The following DGCR2 variants were observed in gnomAD, a reference collection of about 807,000 sequenced individuals.
DGCR2 encodes the protein DiGeorge syndrome critical region gene 2.
A neutral mutation model predicts 51.6 loss-of-function variants in DGCR2; 24 were observed. The observed-to-expected ratio is 0.47, with a 90% CI of 0.34 to 0.65. The LOEUF (loss-of-function observed/expected upper bound fraction) is 0.65, where lower values mean the gene tolerates loss of function less well. Among genes scored for constraint, DGCR2 ranks in the 30% least tolerant of loss-of-function variants. The pLI is 0.01. For missense variants in DGCR2, 765 were observed against 772.1 expected (o/e 0.99, Z 0.11); for synonymous variants, 340 against 315.4 (o/e 1.08, Z -0.82).
At chr22:19,049,899 A>G (rs1601512813) in intron 6 of DGCR2, among the ~76,000 whole-genome samples, 3 of 152,206 alleles carry the variant, frequency 2.0e-5, no homozygotes, top group Admixed American at 2.0e-4. Context: ...AGGGCAAGAT[A>G]CTCACATACA....
intron 7 of DGCR2, chr22:19,046,845 C>A: frequency 3.1e-6 from 1 of 318,164 alleles, no homozygotes; most frequent in Non-Finnish European, 6.7e-6. Context: ...TGGGGCTGGG[C>A]AGGCTCTTTA....
chr22:19,066,490 G>A (rs1179546555), intron 3 of DGCR2, among the ~76,000 whole-genome samples: 1 of 152,214 alleles, frequency 6.6e-6, no homozygotes, highest in Non-Finnish European at 1.5e-5. Flanking sequence ...GAGAAGGTGT[G>A]TTGCACATTC....
rs374273751 is a variant in DGCR2, at chr22:19,041,107, C to T, written c.1347G>A (p.Pro449=). The T allele has an allele frequency of 5.1e-5, 83 of 1,612,800 alleles. 1 individual carries two copies. Among genetic ancestry groups the T allele is most frequent in the Middle Eastern group, 1.6e-4 (1 of 6,080 alleles). The change falls in exon 9 of 10, where the codon CCG becomes CCA. Residue 449 remains proline, a synonymous_variant. Transcript: ENST00000263196. Reference sequence around the variant, plus strand: ...CCGGGTGGATGGAGGCCTCGTAGGGCGGCGGAGGGTCGTCGGGCTGGCCGA... The same window carrying T: ...CCGGGTGGATGGAGGCCTCGTAGGGTGGCGGAGGGTCGTCGGGCTGGCCGA... The part of the protein sequence containing the change: ...PDIGQPDDPP[P]PYEASIHPDS...
chr22:19,082,054 G>A (rs2082942312), intron 2 of DGCR2, among the ~76,000 whole-genome samples: 2 of 116,464 alleles, frequency 1.7e-5, no homozygotes, highest in Non-Finnish European at 4.2e-5. Flanking sequence ...TGTTTTTTGG[G>A]GTTTTTTTTG....
intron 1 of DGCR2, among the ~76,000 whole-genome samples, chr22:19,098,229 C>T (rs2083162915): frequency 6.6e-6 from 1 of 152,208 alleles, no homozygotes; most frequent in Non-Finnish European, 1.5e-5. Context: ...CACCACTCTC[C>T]AGGAACCCCT....
At chr22:19,111,827 A>G (rs1298842268) in intron 1 of DGCR2, among the ~76,000 whole-genome samples, 2 of 151,052 alleles carry the variant, frequency 1.3e-5, no homozygotes, top group Non-Finnish European at 2.9e-5. Flanking sequence ...TTGAACATCT[A>G]AACTCTTTTT....
At chr22:19,072,319 C>T (rs139340163) in intron 2 of DGCR2, among the ~76,000 whole-genome samples, 1 of 152,134 alleles carries the variant, frequency 6.6e-6, no homozygotes, top group Non-Finnish European at 1.5e-5. Flanking sequence ...AAGTCCCCAA[C>T]AGGAGGAGAT....
At chr22:19,063,378 G>C (rs148367828) in intron 4 of DGCR2, 100 bp from the exon 5 acceptor site, 11 of 1,127,788 alleles carry the variant, frequency 9.8e-6, no homozygotes, top group Admixed American at 2.0e-5. Flanking sequence ...GTCTCGCTCT[G>C]TCACCAGGAT....
chr22:19,076,953 A>G (rs1035155726), intron 2 of DGCR2, among the ~76,000 whole-genome samples: 1 of 151,816 alleles, frequency 6.6e-6, no homozygotes, highest in Non-Finnish European at 1.5e-5. Context: ...GATGGTCTCG[A>G]TCTCCTGACC....
intron 5 of DGCR2, among the ~76,000 whole-genome samples, chr22:19,058,461 C>T (rs535035280): frequency 6.6e-6 from 1 of 152,318 alleles, no homozygotes; most frequent in African/African-American, 2.4e-5. Flanking sequence ...ACCACCATCA[C>T]GCTGTGCACC....
Position 19,041,194 on chromosome 22 carries a change from C to T in DGCR2, c.1260G>A (p.Glu420=). ...GGTCGTGGAAATGGAAAGTCCCACCCTCTCCGTCGTCAGAAAGATGCAGCG... is the reference window on the plus strand; with the variant it reads ...GGTCGTGGAAATGGAAAGTCCCACCTTCTCCGTCGTCAGAAAGATGCAGCG... The part of the protein sequence containing the change: ...LTPLHLSDDG[E]GGTFHFHDPP... The change falls in exon 9 of 10, where the codon GAG becomes GAA. Residue 420 remains glutamate (E), a synonymous_variant. Coordinates refer to ENST00000263196, the MANE Select transcript of DGCR2 (RefSeq NM_005137.3). 1.9e-6 allele frequency: 3 copies of T among 1,614,064 alleles called. No homozygotes were observed. Among genetic ancestry groups the T allele is most frequent in the Non-Finnish European group, 2.5e-6 (3 of 1,179,980 alleles).
intron 6 of DGCR2, among the ~76,000 whole-genome samples, chr22:19,053,749 C>T (rs1395039563): frequency 6.6e-6 from 1 of 152,104 alleles, no homozygotes; most frequent in African/African-American, 2.4e-5. Context: ...AGGAACTTCC[C>T]CACAGGGAAT....
chr22:19,062,259 G>A (rs571322179), intron 5 of DGCR2, among the ~76,000 whole-genome samples: 10 of 152,296 alleles, frequency 6.6e-5, no homozygotes, highest in African/African-American at 2.4e-4. Context: ...TCTGTCCTGA[G>A]CAGGATCGGG....
chr22:19,114,589 G>A (rs116849021), intron 1 of DGCR2, among the ~76,000 whole-genome samples: 2 of 152,364 alleles, frequency 1.3e-5, no homozygotes, highest in Non-Finnish European at 2.9e-5. Flanking sequence ...GAAGCAGCCA[G>A]TGGCACCGGA....
Position 19,068,105 on chromosome 22 carries a change from A to C in DGCR2, c.323T>G (p.Phe108Cys). 6.3e-7 allele frequency: 1 copy of C among 1,582,128 alleles called. No individual in the cohort carries two copies. Among genetic ancestry groups the C allele is most frequent in the Non-Finnish European group, 8.6e-7 (1 of 1,165,788 alleles). Residue 108 changes from phenylalanine (F) to cysteine (C), a missense_variant, in exon 3 of 10, where the codon TTC (phenylalanine) becomes TGC (cysteine). Physicochemically the swap from Phe to Cys is radical, Grantham distance 205. Around this residue, in one of 3 missense-constraint regions of DGCR2, gnomAD observed 370 missense variants for 325.5 expected, o/e 1.14. Coordinates refer to ENST00000263196, the MANE Select transcript of DGCR2 (RefSeq NM_005137.3). ...HAVNVAQPVRFSSFLGKCPTG... is the reference protein window; with the variant it reads ...HAVNVAQPVRCSSFLGKCPTG... The stretch of plus-strand genomic sequence containing the variant: ...AGGGCAGGTCTGCAACTTACTGCTG[A>C]AGCGAACGGGCTGCGCCACGTTCAC...
At chr22:19,082,222 C>CTTTTTTT (rs56725898) in intron 2 of DGCR2, among the ~76,000 whole-genome samples, 9 of 88,052 alleles carry the variant, frequency 1.0e-4, no homozygotes, top group East Asian at 3.3e-4. Context: ...CTAATTATTT[C>CTTTTTTT]TTTTTTTTTT....
intron 2 of DGCR2, among the ~76,000 whole-genome samples, chr22:19,069,772 T>C (rs1413128365): frequency 1.3e-5 from 2 of 152,214 alleles, no homozygotes; most frequent in Non-Finnish European, 2.9e-5. Context: ...AGTGCGTATG[T>C]AGTCTCATTT....
chr22:19,083,706 C>CCCCTCTCCCTCT (rs1555907887), intron 2 of DGCR2, among the ~76,000 whole-genome samples: 1 of 106,616 alleles, frequency 9.4e-6, no homozygotes, highest in Non-Finnish European at 1.9e-5. Context: ...CCTCCCCCTC[C>CCCCTCTCCCTCT]CCCTCTCCCT....
At position 19,037,044 on chromosome 22, in the gene DGCR2, T is replaced by A. The variant is rs2082377018; in HGVS notation, c.*1821A>T. On this transcript the variant is annotated 3_prime_UTR_variant, in exon 10 of 10. Coordinates refer to ENST00000263196, the MANE Select transcript of DGCR2 (RefSeq NM_005137.3). ...GGCCACCTGGCACCCATAATGCACA[T>A]GCCTGCTGCTCTGGAACCTGGCTGC... 6.6e-6 allele frequency: 1 copy of A among 152,420 alleles called. No individual in the cohort carries two copies. The highest frequency in any genetic ancestry group is 6.5e-5 in the Admixed American group (1 of 15,294). 9.4% of individuals were successfully genotyped at this position (152,420 alleles called of 1,614,324 possible).
Sources: allele counts gnomAD v4.1 joint callset (sites outside exome capture counted in the v4.1 genomes callset), GRCh38; gene constraint gnomAD v4.1.1; regional missense constraint gnomAD v4.1.1; transcripts MANE v1.5; gene names NCBI Gene and HGNC (gene_info 2026-07-23, HGNC 2026-07-21).